The following SOCS2 variants were observed in gnomAD, a reference collection of about 807,000 sequenced individuals.
The protein encoded by SOCS2 is suppressor of cytokine signaling 2.
SOCS2 carries 10 observed loss-of-function variants against 18.6 expected under a neutral mutation model. The observed-to-expected ratio is 0.54, with a 90% CI of 0.33 to 0.91. The LOEUF (loss-of-function observed/expected upper bound fraction) is 0.91. Ranked by LOEUF, SOCS2 falls within the 40% of genes least tolerant of loss-of-function variation. The probability of loss-of-function intolerance (pLI) is 0.02; values close to 1 mark genes in which losing one functional copy is unlikely to be tolerated. For synonymous variants in SOCS2, 104 were observed against 104.0 expected (o/e 1.00, Z 0.00); for missense variants, 231 against 247.2 (o/e 0.93, Z 0.44).
At chr12:93,611,268 C>T in the SOCS2 span, among the ~76,000 whole-genome samples, 3 of 152,134 alleles carry the variant, frequency 2.0e-5, no homozygotes, top group Non-Finnish European at 4.4e-5. Flanking sequence ...GACGGAGTCT[C>T]ACTTTGCCAC....
the SOCS2 span, among the ~76,000 whole-genome samples, chr12:93,595,472 GA>G: frequency 6.6e-6 from 1 of 152,132 alleles, no homozygotes; most frequent in South Asian, 2.1e-4. Context: ...TACCTTTTGA[GA>G]AATAAATTGA....
At chr12:93,595,820 A>C in the SOCS2 span, among the ~76,000 whole-genome samples, 1 of 152,158 alleles carries the variant, frequency 6.6e-6, no homozygotes, top group Admixed American at 6.5e-5. Context: ...CATCAACAAA[A>C]TGAGCTGTTT....
At chr12:93,614,540 C>CTTCCTTCTTCCTTTCT in the SOCS2 span, among the ~76,000 whole-genome samples, 1 of 37,132 alleles carries the variant, frequency 2.7e-5, no homozygotes, top group Non-Finnish European at 4.4e-5. Context: ...TCCTTCCTTC[C>CTTCCTTCTTCCTTTCT]TTCTTTCTTT....
chr12:93,624,923 T>A, the SOCS2 span, among the ~76,000 whole-genome samples: 1 of 152,236 alleles, frequency 6.6e-6, no homozygotes, highest in Admixed American at 6.5e-5. Context: ...ATATAGTGAC[T>A]AATGCTTCTT....
chr12:93,614,492 C>CT, the SOCS2 span, among the ~76,000 whole-genome samples: 4 of 35,544 alleles, frequency 1.1e-4, no homozygotes, highest in African/African-American at 3.9e-4. Flanking sequence ...TCCTTCCTTC[C>CT]TTCCTTCCTT....
At chr12:93,573,200 T>A (rs1954324600) in intron 1 of SOCS2, 164 bp downstream of exon 1, 1 of 905,714 alleles carries the variant, frequency 1.1e-6, no homozygotes, top group Admixed American at 2.8e-5. Context: ...TCCTTGGGAA[T>A]GCGTAAGGAA....
At chr12:93,620,508 C>T in the SOCS2 span, among the ~76,000 whole-genome samples, 4 of 152,122 alleles carry the variant, frequency 2.6e-5, no homozygotes, top group Admixed American at 6.5e-5. Context: ...CTCCACCTGC[C>T]AGGTTCAAGC....
chr12:93,618,687 A>G, the SOCS2 span, among the ~76,000 whole-genome samples: 31 of 152,308 alleles, frequency 2.0e-4, no homozygotes, highest in African/African-American at 7.2e-4. Context: ...CAGCTCAAAT[A>G]TCATTCCCTC....
downstream of SOCS2, among the ~76,000 whole-genome samples, chr12:93,583,648 C>T (rs2136714800): frequency 6.6e-6 from 1 of 152,160 alleles, no homozygotes; most frequent in Middle Eastern, 3.4e-3. Context: ...CTGAAAGTCC[C>T]CCAGATATCC....
chr12:93,595,009 G>A, the SOCS2 span, among the ~76,000 whole-genome samples: 18 of 152,160 alleles, frequency 1.2e-4, no homozygotes, highest in Middle Eastern at 3.4e-3. Flanking sequence ...ACTTCCTTAC[G>A]TTTGTAAACT....
At chr12:93,587,721 A>G (rs896353770), downstream of SOCS2, among the ~76,000 whole-genome samples, 4 of 151,710 alleles carry the variant, frequency 2.6e-5, no homozygotes, top group Non-Finnish European at 5.9e-5. Flanking sequence ...CCAAAGAGCC[A>G]GGCAAGGCAG....
chr12:93,591,073 C>T, the SOCS2 span, among the ~76,000 whole-genome samples: 3 of 151,602 alleles, frequency 2.0e-5, no homozygotes, highest in Non-Finnish European at 2.9e-5. Flanking sequence ...TTTTTTTTAA[C>T]GCTTTATTGA....
downstream of SOCS2, among the ~76,000 whole-genome samples, chr12:93,576,950 C>T (rs956270386): frequency 7.2e-5 from 11 of 152,188 alleles, no homozygotes; most frequent in Non-Finnish European, 1.3e-4. Context: ...GATGAGGATG[C>T]TTAGAATCTG....
At chr12:93,590,107 C>T in the SOCS2 span, among the ~76,000 whole-genome samples, 1 of 151,962 alleles carries the variant, frequency 6.6e-6, no homozygotes, top group African/African-American at 2.4e-5. Context: ...CAAAAATTGG[C>T]CTGGTGTGGT....
the SOCS2 span, among the ~76,000 whole-genome samples, chr12:93,622,161 G>A: frequency 3.9e-5 from 6 of 152,088 alleles, no homozygotes; most frequent in African/African-American, 1.4e-4. Context: ...GGCTCTTCTT[G>A]TAAAATCCTT....
the SOCS2 span, among the ~76,000 whole-genome samples, chr12:93,603,289 A>G: frequency 6.6e-6 from 1 of 152,140 alleles, no homozygotes; most frequent in Non-Finnish European, 1.5e-5. Context: ...GCCTTGTGCT[A>G]TATGCATTGT....
chr12:93,571,281 GC>G (rs1168765294), upstream of SOCS2: 2 of 152,372 alleles, frequency 1.3e-5, no homozygotes, highest in Non-Finnish European at 2.9e-5. Context: ...GGGCGGCGAG[GC>G]GCGGCCGCGT....
At chr12:93,603,320 A>T in the SOCS2 span, among the ~76,000 whole-genome samples, 1 of 152,186 alleles carries the variant, frequency 6.6e-6, no homozygotes, top group South Asian at 2.1e-4. Context: ...CCTCAGACTG[A>T]GTGGTCATTG....
chr12:93,611,374 A>G, the SOCS2 span, among the ~76,000 whole-genome samples: 2 of 152,070 alleles, frequency 1.3e-5, no homozygotes, highest in African/African-American at 4.8e-5. Flanking sequence ...AGTAGCTGGG[A>G]TTGCAGGTGT....
Sources: allele counts gnomAD v4.1 joint callset (sites outside exome capture counted in the v4.1 genomes callset), GRCh38; gene constraint gnomAD v4.1.1; transcripts MANE v1.5; gene names NCBI Gene and HGNC (gene_info 2026-07-23, HGNC 2026-07-21).